Variants in KNDC1 observed in about 807,000 individuals in gnomAD.
KNDC1 encodes kinase non-catalytic C-lobe domain containing 1, also known as kinase non-catalytic C-lobe domain-containing protein 1.
A neutral mutation model predicts 172.8 loss-of-function variants in KNDC1; 106 were observed. The observed-to-expected ratio is 0.61, with a 90% CI of 0.52 to 0.72. KNDC1 has a LOEUF of 0.72. Among genes scored for constraint, KNDC1 ranks in the 30% least tolerant of loss-of-function variants. The pLI, the probability that KNDC1 is intolerant of heterozygous loss-of-function variation, is 0.00. For missense variants in KNDC1, 2,325 were observed against 2,394.5 expected, an observed-to-expected ratio of 0.97 and a Z score of 0.61; for synonymous variants, 1,083 against 1,062.2, an observed-to-expected ratio of 1.02 and a Z score of -0.38.
rs150788609 is a variant in KNDC1, at chr10:133,215,685, G to A, written c.4677+1563G>A. ...ATCGTCCTGGGCGCACCCTCACCCC[G>A]AGCTGCCCCAGCGGGTGGAGGACTG... is the stretch of plus-strand genomic sequence containing the variant. On this transcript the variant is annotated intron_variant, in intron 26 of 29. Transcript: ENST00000304613. 5.5e-3 allele frequency among the ~76,000 whole-genome samples: 840 copies of A among 152,346 alleles called. 7 individuals carry two copies. The highest frequency in any genetic ancestry group is 7.1e-3 in the Non-Finnish European group (485 of 68,026).
At chr10:133,168,388 C>T in intron 3 of KNDC1, 76 bp downstream of exon 3, 2 of 1,451,436 alleles carry the variant, frequency 1.4e-6, no homozygotes, top group Non-Finnish European at 1.9e-6. Flanking sequence ...CTCAGAAATG[C>T]ACCTGCCTTG....
intron 20 of KNDC1, among the ~76,000 whole-genome samples, chr10:133,208,470 CCCTCTAGAGAGGG>C: frequency 2.4e-5 from 1 of 42,454 alleles, no homozygotes; most frequent in African/African-American, 1.1e-4. Flanking sequence ...ACCCCAAGGA[CCCTCTAGAGAGGG>C]ACGTGGGCCC....
In KNDC1 at chr10:133,199,474, C is replaced by T. The variant is rs1366362805; in HGVS notation, c.2775C>T (p.Ala925=). 1 of 1,613,864 alleles carries T rather than the reference C, an allele frequency of 6.2e-7. No individual in the cohort carries two copies. The highest frequency in any genetic ancestry group is 8.5e-7 in the Non-Finnish European group (1 of 1,179,976). The change falls in exon 15 of 30, where the codon GCC becomes GCT. Residue 925 remains alanine, a synonymous_variant. Coordinates refer to ENST00000304613, the MANE Select transcript of KNDC1 (RefSeq NM_152643.8). ...CAAAACCAGGGGAGTACATCTTCGC[C>T]TTGAAAGATCTCACCTTTGCCACTT... ...EALIMGEYIF[A]LKDLTFATFC...
At chr10:133,172,953 T>A (rs1052341559) in intron 3 of KNDC1, among the ~76,000 whole-genome samples, 1 of 152,132 alleles carries the variant, frequency 6.6e-6, no homozygotes, top group African/African-American at 2.4e-5. Context: ...CAGTGAGCCA[T>A]GATTACCCCA....
At chr10:133,172,441 T>C (rs1024929194) in intron 3 of KNDC1, among the ~76,000 whole-genome samples, 3 of 152,256 alleles carry the variant, frequency 2.0e-5, no homozygotes, top group Non-Finnish European at 4.4e-5. Flanking sequence ...TTGCCTTTTG[T>C]ATACACTGTT....
At chr10:133,165,757 G>A (rs1021694871) in intron 1 of KNDC1, among the ~76,000 whole-genome samples, 13 of 152,182 alleles carry the variant, frequency 8.5e-5, no homozygotes, top group Non-Finnish European at 1.5e-4. Flanking sequence ...CACAGGCGTC[G>A]CTGGGAGCTT....
chr10:133,196,488 C>T (rs548835698), intron 10 of KNDC1, among the ~76,000 whole-genome samples: 3 of 151,910 alleles, frequency 2.0e-5, no homozygotes, highest in Non-Finnish European at 2.9e-5. Context: ...GGAGCGGAGA[C>T]GGCCATGGGG....
Position 133,224,622 on chromosome 10 carries a change from C to T in KNDC1, c.5019-37C>T. ...TCCCCACGGAAGCCGCGCCCCTGCC[C>T]TGTGCAAACTAACGTCTCTTCTTTC... On this transcript the variant is annotated intron_variant, in intron 29 of 29. Coordinates refer to ENST00000304613, the MANE Select transcript of KNDC1 (RefSeq NM_152643.8). This position sits in a 1 kb window ranked among gnomAD's most constrained non-coding sequence, Gnocchi z 5.4. The T allele has an allele frequency of 6.4e-7, 1 of 1,552,052 alleles. No homozygotes were observed. The highest frequency in any genetic ancestry group is 8.9e-7 in the Non-Finnish European group (1 of 1,125,122).
intron 2 of KNDC1, 98 bp downstream of exon 2, chr10:133,167,677 G>GGA: frequency 7.5e-7 from 1 of 1,324,644 alleles, no homozygotes. Flanking sequence ...GCAGATGCTG[G>GGA]GAGCATGCCC....
chr10:133,209,285 A>T lies in KNDC1; in HGVS notation c.3795-1326A>T, dbSNP rs200656312. On this transcript the variant is annotated intron_variant, in intron 20 of 29. Coordinates refer to ENST00000304613, the MANE Select transcript of KNDC1 (RefSeq NM_152643.8). This position sits in a 1 kb window ranked among gnomAD's most constrained non-coding sequence, Gnocchi z 4.9. ...GCGGTAGTGTGTGTGTGGTGTGTGG[A>T]GTATAGTGTGTGTGGTGTGGGGTAC... Among the ~76,000 whole-genome samples, 11 of 92,700 alleles carry T rather than the reference A, an allele frequency of 1.2e-4. No homozygotes were observed. The highest frequency in any genetic ancestry group is 2.0e-4 in the Non-Finnish European group (9 of 44,084). The allele number at this position is 92,700 out of a possible 152,430, so 60.8% of individuals were successfully genotyped here.
In KNDC1 at chr10:133,210,671, ACC is replaced by A; in HGVS notation, c.3858_3859del (p.His1287ArgfsTer115). On this transcript the variant is annotated frameshift_variant, in exon 21 of 30. Coordinates refer to ENST00000304613, the MANE Select transcript of KNDC1 (RefSeq NM_152643.8). LOFTEE classifies it high-confidence loss of function. The stretch of plus-strand genomic sequence containing the variant: ...TCTACACCTTCCGCTACTTCTGCAC[ACC>A]CCACGACTTCCTGCACTTCCTCCTC... Reference protein sequence around the residue: ...FLYTFRYFCTPHDFLHFLLDR... With the variant: ...FLYTFRYFCTXHDFLHFLLDR... The A allele has an allele frequency of 6.2e-7, 1 of 1,613,828 alleles. No homozygotes were observed. The highest frequency in any genetic ancestry group is 2.2e-5 in the East Asian group (1 of 44,874).
At chr10:133,223,856 G>A (rs1330877987) in intron 29 of KNDC1, among the ~76,000 whole-genome samples, 1 of 84,972 alleles carries the variant, frequency 1.2e-5, no homozygotes, top group Admixed American at 1.7e-4. Context: ...TGCTCTTCCC[G>A]GCATGTGTGT....
rs925598694 is a variant in KNDC1 at position 133,167,415 on chromosome 10, G to A, written c.137G>A (p.Arg46Gln). The A allele has an allele frequency of 2.5e-6, 4 of 1,601,302 alleles. No homozygotes were observed. The highest frequency in any genetic ancestry group is 1.7e-4 in the Middle Eastern group (1 of 6,032). The change falls in exon 2 of 30, where the codon CGG becomes CAG. Residue 46 changes from arginine to glutamine, a missense_variant. Arg to Gln is a conservative substitution (Grantham distance 43). Transcript: ENST00000304613. ...TCTCTGGCTGACATCCTCTCCCTGC[G>A]GGACCGCGGCCTCAGCGAGCAGGAA... ...NVSLADILSLRDRGLSEQEAW... is the reference protein window; with the variant it reads ...NVSLADILSLQDRGLSEQEAW...
rs368119610 is a variant in KNDC1 at position 133,210,597 on chromosome 10, G to A, written c.3795-14G>A. On this transcript the variant is annotated splice_polypyrimidine_tract_variant and intron_variant, in intron 20 of 29. Coordinates refer to ENST00000304613, the MANE Select transcript of KNDC1 (RefSeq NM_152643.8). ...CCACCCCACCACCTCACCGCCGCCC[G>A]CCCCGCCCCACAGTGATGCCTTCCT... is the stretch of plus-strand genomic sequence containing the variant. 56 of 1,044,836 alleles carry A rather than the reference G, an allele frequency of 5.4e-5. No individual in the cohort carries two copies. The highest frequency in any genetic ancestry group is 8.3e-5 in the African/African-American group (5 of 60,492). The allele number at this position is 1,044,836 out of a possible 1,614,324, so 64.7% of individuals were successfully genotyped here.
chr10:133,193,658 A>G (rs546911287), intron 9 of KNDC1, among the ~76,000 whole-genome samples: 4 of 152,380 alleles, frequency 2.6e-5, no homozygotes, highest in East Asian at 1.9e-4. Context: ...AACATGACCT[A>G]ACCATGTACT....
At chr10:133,180,707 C>A (rs1853691488) in intron 3 of KNDC1, among the ~76,000 whole-genome samples, 1 of 152,382 alleles carries the variant, frequency 6.6e-6, no homozygotes, top group Admixed American at 6.5e-5. Flanking sequence ...ACACACACAG[C>A]AAGCGTGTGT....
intron 29 of KNDC1, among the ~76,000 whole-genome samples, chr10:133,221,113 C>T (rs940360390): frequency 6.6e-6 from 1 of 152,130 alleles, no homozygotes; most frequent in African/African-American, 2.4e-5. Flanking sequence ...ACACTTTCCA[C>T]CCCACCCTGA....
Position 133,221,873 on chromosome 10 carries a change from G to A in KNDC1, c.5018+1761G>A, listed in dbSNP as rs1022437231. Among the ~76,000 whole-genome samples, 142 of 105,620 alleles carry A rather than the reference G, an allele frequency of 1.3e-3. 7 individuals are homozygous for A. Among genetic ancestry groups the A allele is most frequent in the African/African-American group, 4.7e-3 (138 of 29,460 alleles). 69.3% of individuals were successfully genotyped at this position (105,620 alleles called of 152,430 possible). A position where few individuals can be genotyped will look rare whatever the true frequency, so the allele number is the denominator to read the frequency against. On this transcript the variant is annotated intron_variant, in intron 29 of 29. Transcript: ENST00000304613. ...GCCACTCACGCCTGTAACCCTAGGTGGGCAGGGCTGGGTGCAGCCACTCAC... is the reference window on the plus strand; with the variant it reads ...GCCACTCACGCCTGTAACCCTAGGTAGGCAGGGCTGGGTGCAGCCACTCAC...
rs113851948 is a variant in KNDC1, at chr10:133,221,831, A to G, written c.5018+1719A>G. Among the ~76,000 whole-genome samples, 407 of 111,690 alleles carry G rather than the reference A, an allele frequency of 3.6e-3. 12 individuals are homozygous for G. Among genetic ancestry groups the G allele is most frequent in the South Asian group, 6.4e-3 (17 of 2,650 alleles). 73.3% of individuals were successfully genotyped at this position (111,690 alleles called of 152,430 possible). On this transcript the variant is annotated intron_variant, in intron 29 of 29. Transcript: ENST00000304613. ...GCGGCTCACGCCTGTAACCCTAGGT[A>G]GGCCGGGCTGGGTGCAGCCACTCAC...
Sources: allele counts gnomAD v4.1 joint callset (sites outside exome capture counted in the v4.1 genomes callset), GRCh38; gene constraint gnomAD v4.1.1; non-coding constraint Gnocchi (gnomAD v3.1); transcripts MANE v1.5; gene names NCBI Gene and HGNC (gene_info 2026-07-23, HGNC 2026-07-21).